The following GLDN variants were observed in gnomAD, a reference collection of about 807,000 sequenced individuals.
GLDN encodes gliomedin, also known as collomin.
GLDN carries 47 observed loss-of-function variants against 56.5 expected under a neutral mutation model. The ratio of observed to expected loss-of-function variants is 0.83; its 90% CI spans 0.66 to 1.06. GLDN has a LOEUF of 1.06. Ranked by LOEUF, GLDN falls within the 50% of genes least tolerant of loss-of-function variation. The pLI, the probability that GLDN is intolerant of heterozygous loss-of-function variation, is 0.00. For missense variants in GLDN, 782 were observed against 714.3 expected (o/e 1.09, Z -1.08); for synonymous variants, 332 against 278.8 (o/e 1.19, Z -1.90).
chr15:51,396,396 G>A (rs1011620540), intron 5 of GLDN, among the ~76,000 whole-genome samples: 26 of 152,184 alleles, frequency 1.7e-4, no homozygotes, highest in African/African-American at 6.3e-4. Flanking sequence ...TTCCAGCTCA[G>A]GGGAAAAGCA....
intron 1 of GLDN, among the ~76,000 whole-genome samples, chr15:51,371,891 G>T (rs1444516189): frequency 6.6e-6 from 1 of 152,068 alleles, no homozygotes; most frequent in Admixed American, 6.6e-5. Flanking sequence ...CCCCATATTG[G>T]CCAGGCTGGT....
At chr15:51,394,765 C>T in intron 4 of GLDN, 70 bp from the exon 5 acceptor site, 1 of 1,530,186 alleles carries the variant, frequency 6.5e-7, no homozygotes, top group Non-Finnish European at 9.0e-7. Context: ...GCACAAAGCA[C>T]AGTAATATAA....
intron 5 of GLDN, among the ~76,000 whole-genome samples, chr15:51,395,571 C>A (rs923914978): frequency 6.6e-6 from 1 of 152,130 alleles, no homozygotes; most frequent in Non-Finnish European, 1.5e-5. Context: ...ACAGGAGAAC[C>A]ACTTTAGGAC....
At chr15:51,374,137 G>A (rs1312969913) in intron 1 of GLDN, among the ~76,000 whole-genome samples, 1 of 152,148 alleles carries the variant, frequency 6.6e-6, no homozygotes, top group Non-Finnish European at 1.5e-5. Context: ...AAAAGGTCAG[G>A]AAATGAAAAC....
intron 2 of GLDN, 51 bp from the exon 3 acceptor site, chr15:51,383,385 G>A (rs757345025): frequency 6.2e-7 from 1 of 1,607,626 alleles, no homozygotes; most frequent in Non-Finnish European, 8.5e-7. Context: ...GGTGCTCTTT[G>A]TTTTCTGGGT....
intron 2 of GLDN, among the ~76,000 whole-genome samples, chr15:51,380,185 GA>G (rs1240117626): frequency 6.6e-6 from 1 of 152,136 alleles, no homozygotes; most frequent in East Asian, 1.9e-4. Context: ...ATACTTTATT[GA>G]CCCATTGGAC....
rs2038348226 is a variant in GLDN, at chr15:51,405,107, CTGTCGTTTAGCTTT to C, written c.*355_*368del. 1 of 222,440 alleles carries C rather than the reference CTGTCGTTTAGCTTT, an allele frequency of 4.5e-6. No individual in the cohort carries two copies. The highest frequency in any genetic ancestry group is 8.9e-6 in the Non-Finnish European group (1 of 112,264). 13.8% of individuals were successfully genotyped at this position (222,440 alleles called of 1,614,324 possible). On this transcript the variant is annotated 3_prime_UTR_variant, in exon 10 of 10. Coordinates refer to ENST00000335449, the MANE Select transcript of GLDN (RefSeq NM_181789.4). ...TCTCACAACTTTTATGTATCTGCTT[CTGTCGTTTAGCTTT>C]TTTAGCCACATGCTGACCAAATTTA...
intron 1 of GLDN, among the ~76,000 whole-genome samples, chr15:51,359,180 T>C (rs1203078381): frequency 6.6e-6 from 1 of 152,168 alleles, no homozygotes; most frequent in African/African-American, 2.4e-5. Context: ...GGAGGAGACT[T>C]TGGCCCAGCA....
intron 1 of GLDN, among the ~76,000 whole-genome samples, chr15:51,369,410 CA>C (rs1457141594): frequency 6.6e-6 from 1 of 152,226 alleles, no homozygotes; most frequent in Non-Finnish European, 1.5e-5. Flanking sequence ...GTGTTCCAGC[CA>C]GCAAACTGTA....
At chr15:51,404,203 T>C (rs748299448) in intron 9 of GLDN, 74 bp from the exon 10 acceptor site, 1 of 1,179,700 alleles carries the variant, frequency 8.5e-7, no homozygotes, top group Non-Finnish European at 1.2e-6. Flanking sequence ...CTCAGTTTAA[T>C]AGAGGAGCCT....
intron 1 of GLDN, among the ~76,000 whole-genome samples, chr15:51,349,062 G>C (rs141791528): frequency 6.6e-6 from 1 of 152,010 alleles, no homozygotes; most frequent in Non-Finnish European, 1.5e-5. Context: ...CTGTCACTAC[G>C]GCTTTTCAAA....
chr15:51,366,845 A>G (rs1472269676), intron 1 of GLDN, among the ~76,000 whole-genome samples: 1 of 151,800 alleles, frequency 6.6e-6, no homozygotes, highest in Non-Finnish European at 1.5e-5. Flanking sequence ...CTGCCACTGC[A>G]CTCCAGCCTG....
chr15:51,404,238 G>A (rs749616751), intron 9 of GLDN, 39 bp from the exon 10 acceptor site: 23 of 1,464,712 alleles, frequency 1.6e-5, no homozygotes, highest in South Asian at 2.6e-5. Flanking sequence ...CCACAGAAAC[G>A]GTGATTCATG....
At chr15:51,344,281 A>T (rs2036938656) in intron 1 of GLDN, among the ~76,000 whole-genome samples, 2 of 152,212 alleles carry the variant, frequency 1.3e-5, no homozygotes, top group African/African-American at 4.8e-5. Context: ...GGACCTTGGC[A>T]TAACTTCCTA....
chr15:51,400,597 C>T (rs1240520426), intron 8 of GLDN, 99 bp downstream of exon 8: 2 of 1,254,776 alleles, frequency 1.6e-6, no homozygotes, highest in African/African-American at 3.0e-5. Flanking sequence ...GTCTGAAATC[C>T]CCGGTAGCTG....
chr15:51,372,569 C>A (rs1261914630), intron 1 of GLDN, among the ~76,000 whole-genome samples: 1 of 152,204 alleles, frequency 6.6e-6, no homozygotes, highest in Non-Finnish European at 1.5e-5. Flanking sequence ...CTAAGTCTGT[C>A]CTCCATGCTA....
At chr15:51,383,373 G>T in intron 2 of GLDN, 63 bp from the exon 3 acceptor site, 2 of 1,559,038 alleles carry the variant, frequency 1.3e-6, no homozygotes, top group South Asian at 2.2e-5. Context: ...TTGAAGGTCG[G>T]GGGTGCTCTT....
chr15:51,387,480 G>A (rs1056130686), intron 4 of GLDN, among the ~76,000 whole-genome samples: 4 of 152,118 alleles, frequency 2.6e-5, no homozygotes, highest in African/African-American at 9.7e-5. Context: ...GCACACAGAG[G>A]GTGCGGTCAC....
chr15:51,391,286 GGCCTTTCC>G (rs2038014651), intron 4 of GLDN, among the ~76,000 whole-genome samples: 1 of 152,092 alleles, frequency 6.6e-6, no homozygotes, highest in Admixed American at 6.5e-5. Context: ...TTTCACATAT[GGCCTTTCC>G]GAGAAAGAAA....
Sources: gnomAD v4.1 joint callset for allele counts (sites outside exome capture counted in the v4.1 genomes callset) on GRCh38, gnomAD v4.1.1 for gene constraint, MANE v1.5 for transcripts, NCBI Gene and HGNC (gene_info 2026-07-23, HGNC 2026-07-21) for gene names.